PCDHA12: variants seen among roughly 807,000 people sequenced by gnomAD.
The protein encoded by PCDHA12 is protocadherin alpha 12.
PCDHA12 carries 44 observed loss-of-function variants against 60.0 expected under a neutral mutation model. The observed-to-expected ratio is 0.73, with a 90% confidence interval of 0.58 to 0.94. The LOEUF (loss-of-function observed/expected upper bound fraction) is 0.94, where lower values mean the gene tolerates loss of function less well. Among genes scored for constraint, PCDHA12 ranks in the 40% least tolerant of loss-of-function variants. PCDHA12 has a pLI of 0.00. For synonymous variants in PCDHA12, 569 were observed against 553.0 expected (o/e 1.03, Z -0.40); for missense variants, 1,276 against 1,239.7 (o/e 1.03, Z -0.44).
chr5:140,973,167 C>A (rs554202231), intron 1 of PCDHA12, among the ~76,000 whole-genome samples: 44 of 152,284 alleles, frequency 2.9e-4, no homozygotes, highest in Admixed American at 2.4e-3. Context: ...TTTGTAGTCA[C>A]CAAACCTTCA....
At position 140,881,209 on chromosome 5, in the gene PCDHA12, G is replaced by C. The variant is rs74494049; in HGVS notation, c.2367+3370G>C. The C allele has an allele frequency of 3.6e-3, 703 of 194,982 alleles. 1 individual carries two copies. The highest frequency in any genetic ancestry group is 0.016 in the African/African-American group (679 of 42,430). 12.1% of individuals were successfully genotyped at this position (194,982 alleles called of 1,614,324 possible). On this transcript the variant is annotated intron_variant, in intron 1 of 3. Transcript: ENST00000398631. Reference sequence around the variant, plus strand: ...GATATGTTAACATCTTTGTCTAGCTGTTGTTTCTTGGAAAATTAAAGTCAA... The same window carrying C: ...GATATGTTAACATCTTTGTCTAGCTCTTGTTTCTTGGAAAATTAAAGTCAA...
At chr5:140,891,371 T>G (rs1483919316) in intron 1 of PCDHA12, among the ~76,000 whole-genome samples, 1 of 152,146 alleles carries the variant, frequency 6.6e-6, no homozygotes, top group African/African-American at 2.4e-5. Context: ...CAGTATACAT[T>G]GCACCATATT....
chr5:140,921,213 G>T (rs759293646), intron 1 of PCDHA12, among the ~76,000 whole-genome samples: 1 of 151,496 alleles, frequency 6.6e-6, no homozygotes, highest in Admixed American at 6.6e-5. Flanking sequence ...GATAATTCAC[G>T]TCTTTTTTGC....
chr5:140,980,021 A>C (rs1472439975), intron 2 of PCDHA12, among the ~76,000 whole-genome samples: 2 of 152,248 alleles, frequency 1.3e-5, no homozygotes. Context: ...AAATGAGCAG[A>C]AATCATTACA....
At chr5:140,904,199 C>A (rs2070936424) in intron 1 of PCDHA12, among the ~76,000 whole-genome samples, 1 of 151,944 alleles carries the variant, frequency 6.6e-6, no homozygotes, top group Non-Finnish European at 1.5e-5. Flanking sequence ...CCCTTTCCCC[C>A]TAAGTCCCCA....
chr5:140,926,917 TTA>T, intron 1 of PCDHA12: 3 of 1,565,668 alleles, frequency 1.9e-6, no homozygotes, highest in South Asian at 1.2e-5. Context: ...GGTGGCAGTT[TTA>T]TGTTTGTGGG....
intron 3 of PCDHA12, among the ~76,000 whole-genome samples, chr5:141,008,870 C>G (rs539100133): frequency 1.4e-4 from 22 of 152,126 alleles, no homozygotes; most frequent in Non-Finnish European, 7.3e-5. Flanking sequence ...ATGCTGCATC[C>G]CACCACCCTT....
intron 1 of PCDHA12, chr5:140,883,153 A>G (rs1268982674): frequency 2.5e-6 from 4 of 1,614,120 alleles, no homozygotes; most frequent in Non-Finnish European, 8.5e-7. Flanking sequence ...CATTTACCAT[A>G]AATCCGAACA....
intron 1 of PCDHA12, chr5:140,884,061 A>G: frequency 1.2e-6 from 2 of 1,613,342 alleles, no homozygotes; most frequent in Non-Finnish European, 1.7e-6. Flanking sequence ...CGCGCGGTGG[A>G]CGCCGATTCG....
At chr5:140,968,394 G>A (rs782388354) in intron 1 of PCDHA12, 3 of 1,613,942 alleles carry the variant, frequency 1.9e-6, no homozygotes, top group Admixed American at 3.3e-5. Context: ...GAGAAGTTTC[G>A]GGAGTTCTTT....
intron 3 of PCDHA12, among the ~76,000 whole-genome samples, chr5:141,000,383 C>G (rs1324907388): frequency 4.7e-5 from 3 of 63,178 alleles, no homozygotes; most frequent in South Asian, 1.1e-3. Flanking sequence ...CTCTCTCTCT[C>G]TCTCTCTCTC....
chr5:141,009,929 G>T lies in PCDHA12; in HGVS notation c.2818G>T (p.Asp940Tyr). Residue 940 changes from aspartate to tyrosine, a missense_variant, in exon 4 of 4, where the codon GAC becomes TAC. Transcript: ENST00000398631. Reference protein sequence around the residue: ...EKGNSTTDNSDQ With the variant: ...EKGNSTTDNSYQ ...AGGGAACAGCACGACTGACAACAGT[G>T]ACCAGTGAGGTCCTCAAATGGAAAC... 1 of 1,603,730 alleles carries T rather than the reference G, an allele frequency of 6.2e-7. No homozygotes were observed. The highest frequency in any genetic ancestry group is 1.1e-5 in the South Asian group (1 of 89,000).
At chr5:140,928,326 C>T (rs1554205788) in intron 1 of PCDHA12, 1 of 1,614,162 alleles carries the variant, frequency 6.2e-7, no homozygotes, top group Non-Finnish European at 8.5e-7. Context: ...GGAAGAATGG[C>T]CTTGTCTCTT....
Position 140,882,752 on chromosome 5 carries a change from A to G in PCDHA12, c.2367+4913A>G, listed in dbSNP as rs1457424583. 4 of 1,614,130 alleles carry G rather than the reference A, an allele frequency of 2.5e-6. No individual in the cohort carries two copies. In the East Asian group the frequency reaches 8.9e-5, roughly 36 times the overall value. On this transcript the variant is annotated intron_variant, in intron 1 of 3. Coordinates refer to ENST00000398631, the MANE Select transcript of PCDHA12 (RefSeq NM_018903.4). Reference sequence around the variant, plus strand: ...ACTAGATGGCGCATCCGATGCAGATATTGGAGTAAACTCGGCATTGACCTA... The same window carrying G: ...ACTAGATGGCGCATCCGATGCAGATGTTGGAGTAAACTCGGCATTGACCTA...
chr5:140,902,703 T>C (rs1451324920), intron 1 of PCDHA12, among the ~76,000 whole-genome samples: 1 of 152,166 alleles, frequency 6.6e-6, no homozygotes, highest in African/African-American at 2.4e-5. Flanking sequence ...GTCTTTTATC[T>C]TTCACTCCCC....
Position 140,883,762 on chromosome 5 carries a change from G to A in PCDHA12, c.2367+5923G>A, listed in dbSNP as rs782515575. 5 of 1,612,794 alleles carry A rather than the reference G, an allele frequency of 3.1e-6. No homozygotes were observed. The South Asian group carries it at 5.5e-5, about 18-fold the overall frequency. On this transcript the variant is annotated intron_variant, in intron 1 of 3. Coordinates refer to ENST00000398631, the MANE Select transcript of PCDHA12 (RefSeq NM_018903.4). ...TCTCCTACTCGCTGGTGGAGCGGCG[G>A]GTGGGCGAGCGTGCGCTGTCGAGCT... is the stretch of plus-strand genomic sequence containing the variant.
intron 1 of PCDHA12, among the ~76,000 whole-genome samples, chr5:140,938,685 C>CTT (rs1554212299): frequency 6.6e-6 from 1 of 151,964 alleles, no homozygotes; most frequent in African/African-American, 2.4e-5. Context: ...ATTTTCTTTA[C>CTT]AGTTTTTAAA....
rs1554168825 is a variant in PCDHA12 at position 140,876,718 on chromosome 5, G to A, written c.1246G>A (p.Glu416Lys). 4 of 1,614,124 alleles carry A rather than the reference G, an allele frequency of 2.5e-6. No homozygotes were observed. The highest frequency in any genetic ancestry group is 2.7e-5 in the African/African-American group (2 of 74,952). Residue 416 changes from glutamate (E) to lysine (K), a missense_variant, in exon 1 of 4, where the codon GAG becomes AAG. By Grantham distance (56) the Glu-to-Lys change is moderately conservative (BLOSUM62 1). Transcript: ENST00000398631. ...GGTGCTGGACAGCGCCCTGGACCGCGAGAGCGTGTCGGCCTATGAGCTGGT... is the reference window on the plus strand; with the variant it reads ...GGTGCTGGACAGCGCCCTGGACCGCAAGAGCGTGTCGGCCTATGAGCTGGT... ...SLVLDSALDR[E>K]SVSAYELVVT...
chr5:140,896,280 G>A (rs940722689), intron 1 of PCDHA12, among the ~76,000 whole-genome samples: 1 of 152,206 alleles, frequency 6.6e-6, no homozygotes, highest in South Asian at 2.1e-4. Flanking sequence ...TTGCTGGCTT[G>A]AATGGTAAGT....
Sources: gnomAD v4.1 joint callset for allele counts (sites outside exome capture counted in the v4.1 genomes callset) on GRCh38, gnomAD v4.1.1 for gene constraint, MANE v1.5 for transcripts, NCBI Gene and HGNC (gene_info 2026-07-23, HGNC 2026-07-21) for gene names.